Variants in COPA observed in about 807,000 individuals in gnomAD.
COPA encodes the protein coat protein complex I subunit alpha, also known as coatomer subunit alpha.
Under a neutral mutation model 158.7 loss-of-function variants are expected in COPA, and 10 were observed. The ratio of observed to expected loss-of-function variants is 0.06; its 90% CI spans 0.04 to 0.11. The LOEUF (loss-of-function observed/expected upper bound fraction) is 0.11, where lower values mean the gene tolerates loss of function less well. Among genes scored for constraint, COPA ranks in the 10% least tolerant of loss-of-function variants. The probability of loss-of-function intolerance (pLI) is 1.00; values close to 1 mark genes in which losing one functional copy is unlikely to be tolerated. For synonymous variants in COPA, 462 were observed against 542.8 expected (o/e 0.85, Z 2.07); for missense variants, 1,065 against 1,536.7 (o/e 0.69, Z 5.13).
chr1:160,336,036 T>C (rs1647744534), intron 3 of COPA, among the ~76,000 whole-genome samples: 1 of 147,874 alleles, frequency 6.8e-6, no homozygotes, highest in Admixed American at 6.7e-5. Flanking sequence ...CTTAAGTGCT[T>C]TACCCATCAC....
Position 160,313,978 on chromosome 1 carries a change from G to A in COPA, c.842+12C>T. On this transcript the variant is annotated intron_variant, in intron 9 of 32. Transcript: ENST00000241704. ...TAAGAGAAAGTTCACACAACACTGA[G>A]GACTACCTTACCGCTTAGACATATC... The A allele has an allele frequency of 6.2e-7, 1 of 1,602,604 alleles. No homozygotes were observed. The highest frequency in any genetic ancestry group is 8.5e-7 in the Non-Finnish European group (1 of 1,174,786).
intron 7 of COPA, among the ~76,000 whole-genome samples, chr1:160,325,192 G>A (rs1025970757): frequency 6.6e-6 from 1 of 151,820 alleles, no homozygotes; most frequent in African/African-American, 2.4e-5. Context: ...TTTCCCACCT[G>A]CACAAAAGTT....
chr1:160,308,481 T>C (rs150863855), intron 13 of COPA, among the ~76,000 whole-genome samples: 9 of 152,324 alleles, frequency 5.9e-5, no homozygotes, highest in African/African-American at 2.2e-4. Context: ...ATCTCTGACC[T>C]GGTACTAGCC....
At chr1:160,305,620 G>A (rs752900928) in intron 16 of COPA, 49 bp from the exon 17 acceptor site, 19 of 1,613,078 alleles carry the variant, frequency 1.2e-5, no homozygotes, top group South Asian at 2.2e-5. Context: ...GGTAAGTGCC[G>A]TAGACTGGCA....
intron 32 of COPA, 24 bp downstream of exon 32, chr1:160,290,468 A>G (rs1286553090): frequency 1.2e-6 from 2 of 1,606,312 alleles, no homozygotes; most frequent in Non-Finnish European, 1.7e-6. Flanking sequence ...TATCCTAGAT[A>G]TATTTATTGA....
chr1:160,333,611 G>A lies in COPA; in HGVS notation c.378C>T (p.Thr126=), dbSNP rs1448354967. 2 of 1,611,900 alleles carry A rather than the reference G, an allele frequency of 1.2e-6. No homozygotes were observed. The highest frequency in any genetic ancestry group is 1.3e-5 in the African/African-American group (1 of 74,960). Residue 126 remains threonine, a synonymous_variant, in exon 5 of 33, where the codon ACC becomes ACT. Coordinates refer to ENST00000241704, the MANE Select transcript of COPA (RefSeq NM_004371.4). ...TIRVWNWQSR[T]CVCVLTGHNH... is the part of the protein sequence containing the mutation. ...TCTGCCTCCTGCTTTACCAAACACA[G>A]GTTCTAGATTGCCAGTTCCACACTC...
intron 8 of COPA, among the ~76,000 whole-genome samples, chr1:160,322,775 G>C (rs1417780492): frequency 6.6e-6 from 1 of 152,120 alleles, no homozygotes; most frequent in African/African-American, 2.4e-5. Flanking sequence ...ATGGAGAATA[G>C]TATGGAGGTT....
intron 6 of COPA, among the ~76,000 whole-genome samples, chr1:160,327,554 G>A (rs972257277): frequency 7.7e-5 from 11 of 142,204 alleles, no homozygotes; most frequent in South Asian, 2.2e-4. Flanking sequence ...ACGAAACTCC[G>A]TCTCAAATTA....
In COPA at chr1:160,300,668, G is replaced by A. The variant is rs559308905; in HGVS notation, c.1668-1404C>T. ...CAACCTTGATACTAAAACCTAACAA[G>A]GACAGTAAGAAAAGGGAAAATTACA... is the stretch of plus-strand genomic sequence containing the variant. On this transcript the variant is annotated intron_variant, in intron 17 of 32. Coordinates refer to ENST00000241704, the MANE Select transcript of COPA (RefSeq NM_004371.4). Among the ~76,000 whole-genome samples, 32 of 151,984 alleles carry A rather than the reference G, an allele frequency of 2.1e-4. 2 individuals are homozygous for A. In the South Asian group the frequency reaches 6.6e-3, roughly 32 times the overall value.
At position 160,333,611 on chromosome 1, in the gene COPA, G is replaced by T. The variant is rs1448354967; in HGVS notation, c.378C>A (p.Thr126=). 5 of 1,611,898 alleles carry T rather than the reference G, an allele frequency of 3.1e-6. No individual in the cohort carries two copies. Among genetic ancestry groups the T allele is most frequent in the Non-Finnish European group, 2.5e-6 (3 of 1,178,494 alleles). The change falls in exon 5 of 33, where the codon ACC becomes ACA. Residue 126 remains threonine (T), a synonymous_variant. Transcript: ENST00000241704. ...TCTGCCTCCTGCTTTACCAAACACA[G>T]GTTCTAGATTGCCAGTTCCACACTC... The part of the protein sequence containing the change: ...TIRVWNWQSR[T]CVCVLTGHNH...
At position 160,288,669 on chromosome 1, in the gene COPA, G is replaced by A. The variant is rs539680214; in HGVS notation, c.*1488C>T. Among the ~76,000 whole-genome samples, 2 of 152,078 alleles carry A rather than the reference G, an allele frequency of 1.3e-5. No individual in the cohort carries two copies. Among genetic ancestry groups the A allele is most frequent in the Non-Finnish European group, 2.9e-5 (2 of 67,980 alleles). ...ACGCAAAAAAGTACTTATTTTAATC[G>A]AAGGCACAGTAATGTCACTCTACCC... On this transcript the variant is annotated 3_prime_UTR_variant, in exon 33 of 33. Transcript: ENST00000241704.
chr1:160,335,615 C>T (rs1647719250), intron 3 of COPA, among the ~76,000 whole-genome samples: 1 of 151,930 alleles, frequency 6.6e-6, no homozygotes, highest in African/African-American at 2.4e-5. Flanking sequence ...TGGGCGTGGT[C>T]ACTCATGCCT....
chr1:160,336,858 A>G (rs536720629), intron 3 of COPA, among the ~76,000 whole-genome samples: 36 of 152,314 alleles, frequency 2.4e-4, no homozygotes, highest in African/African-American at 8.4e-4. Flanking sequence ...GATCTTCCAA[A>G]CAAGAATGCT....
In COPA at chr1:160,297,378, G is replaced by A. The variant is rs753420955; in HGVS notation, c.2228C>T (p.Ser743Leu). 6.2e-7 allele frequency: 1 copy of A among 1,614,186 alleles called. No individual in the cohort carries two copies. The highest frequency in any genetic ancestry group is 2.2e-5 in the East Asian group (1 of 44,890). ...GTTCTTCAGGATCCGCACACGCTCT[G>A]ACACATCACCCAGGTATAGGGCATT... ...YQNALYLGDV[S>L]ERVRILKNCG... The change falls in exon 21 of 33, where the codon TCA becomes TTA. Residue 743 changes from serine (S) to leucine (L), a missense_variant. Ser to Leu is a moderately radical substitution (Grantham distance 145, BLOSUM62 -2). Coordinates refer to ENST00000241704, the MANE Select transcript of COPA (RefSeq NM_004371.4).
At chr1:160,321,912 G>A (rs1028149394) in intron 8 of COPA, among the ~76,000 whole-genome samples, 4 of 151,896 alleles carry the variant, frequency 2.6e-5, no homozygotes, top group African/African-American at 9.7e-5. Context: ...AGAAGTGAAA[G>A]GGCCATACAA....
chr1:160,301,565 G>T (rs1410025127), intron 17 of COPA, among the ~76,000 whole-genome samples: 1 of 152,054 alleles, frequency 6.6e-6, no homozygotes, highest in Non-Finnish European at 1.5e-5. Flanking sequence ...TTGAGCCCAG[G>T]AGTTCAAGAC....
chr1:160,323,250 G>A (rs1452911509), intron 8 of COPA, among the ~76,000 whole-genome samples, 181 bp downstream of exon 8: 3 of 152,026 alleles, frequency 2.0e-5, no homozygotes, highest in African/African-American at 7.3e-5. Context: ...CCACTTAACT[G>A]TACACATAAA....
chr1:160,306,203 C>T, intron 15 of COPA, 151 bp downstream of exon 15: 6 of 810,022 alleles, frequency 7.4e-6, no homozygotes, highest in Non-Finnish European at 9.6e-6. Context: ...GGAGAGTGAT[C>T]ACAGAAGGGA....
At chr1:160,312,102 T>C in intron 10 of COPA, 84 bp from the exon 11 acceptor site, 1 of 1,422,454 alleles carries the variant, frequency 7.0e-7, no homozygotes, top group Non-Finnish European at 9.7e-7. Context: ...AGGATGAAGA[T>C]TATATCTGTA....
Sources: gnomAD v4.1 joint callset for allele counts (sites outside exome capture counted in the v4.1 genomes callset) on GRCh38, gnomAD v4.1.1 for gene constraint, MANE v1.5 for transcripts, NCBI Gene and HGNC (gene_info 2026-07-23, HGNC 2026-07-21) for gene names.